Variants in EBF1 observed in about 807,000 individuals in gnomAD.
EBF1 encodes EBF transcription factor 1.
EBF1 carries 10 observed loss-of-function variants against 68.4 expected under a neutral mutation model. The observed-to-expected ratio is 0.15, with a 90% confidence interval of 0.09 to 0.25. The LOEUF (loss-of-function observed/expected upper bound fraction) is 0.25. Ranked by LOEUF, EBF1 falls within the 10% of genes least tolerant of loss-of-function variation. The probability of loss-of-function intolerance (pLI) is 1.00; values close to 1 mark genes in which losing one functional copy is unlikely to be tolerated. For missense variants in EBF1, 509 were observed against 794.4 expected (o/e 0.64, Z 4.32); for synonymous variants, 298 against 299.8 (o/e 0.99, Z 0.06).
intron 4 of EBF1, 64 bp from the exon 5 acceptor site, chr5:159,084,803 A>G: frequency 7.3e-7 from 1 of 1,376,482 alleles, no homozygotes; most frequent in Non-Finnish European, 9.9e-7. Flanking sequence ...AAAAAAAATC[A>G]CAATTGAGTT....
At chr5:159,074,623 C>G (rs762237945) in intron 5 of EBF1, among the ~76,000 whole-genome samples, 15 of 152,332 alleles carry the variant, frequency 9.8e-5, no homozygotes, top group Non-Finnish European at 2.1e-4. Flanking sequence ...GAAATATACT[C>G]CTGCGTAGGG....
At chr5:158,990,449 A>T (rs1038890995) in intron 6 of EBF1, among the ~76,000 whole-genome samples, 2 of 151,846 alleles carry the variant, frequency 1.3e-5, no homozygotes, top group African/African-American at 2.4e-5. Flanking sequence ...GTTAGAAGGC[A>T]ACTGCAATAA....
At chr5:159,073,869 A>G (rs1385369449) in intron 5 of EBF1, 1 of 160,288 alleles carries the variant, frequency 6.2e-6, no homozygotes, top group Non-Finnish European at 1.4e-5. Flanking sequence ...ACGCATCAAT[A>G]ATGAGGTATG....
intron 6 of EBF1, among the ~76,000 whole-genome samples, chr5:158,987,894 G>A (rs922581517): frequency 3.9e-5 from 6 of 152,130 alleles, no homozygotes; most frequent in African/African-American, 1.2e-4. Context: ...GAAAGTCAAA[G>A]GCCTAGATCC....
At chr5:158,894,416 C>A (rs888818023) in intron 6 of EBF1, among the ~76,000 whole-genome samples, 22 of 133,234 alleles carry the variant, frequency 1.7e-4, no homozygotes, top group African/African-American at 4.5e-4. Context: ...AAAGTAAAAT[C>A]TTTTAATGCC....
chr5:159,014,632 A>G (rs1174011600), intron 6 of EBF1, among the ~76,000 whole-genome samples: 2 of 152,202 alleles, frequency 1.3e-5, no homozygotes, highest in Admixed American at 1.3e-4. Context: ...TTTCATATGA[A>G]GTTATAACAT....
chr5:159,095,592 C>T lies in EBF1; in HGVS notation c.411+28G>A, dbSNP rs375061350. On this transcript the variant is annotated intron_variant, in intron 4 of 15. Transcript: ENST00000313708. Reference sequence around the variant, plus strand: ...GCCCTGAATTTTGTGACATAGAGCCCCCCGTGGCCCAAAATCAAGAAACTT... The same window carrying T: ...GCCCTGAATTTTGTGACATAGAGCCTCCCGTGGCCCAAAATCAAGAAACTT... 3.7e-6 allele frequency: 6 copies of T among 1,613,000 alleles called. No homozygotes were observed. The African/African-American group carries it at 5.3e-5, about 14-fold the overall frequency.
chr5:158,700,046 A>G (rs1253511241), intron 15 of EBF1, among the ~76,000 whole-genome samples: 1 of 152,330 alleles, frequency 6.6e-6, no homozygotes, highest in East Asian at 1.9e-4. Flanking sequence ...TGGAGAGGTG[A>G]ATAAAATGAC....
chr5:158,913,724 G>A (rs577120410), intron 6 of EBF1, among the ~76,000 whole-genome samples: 67 of 152,204 alleles, frequency 4.4e-4, no homozygotes, highest in Non-Finnish European at 8.1e-4. Flanking sequence ...CACCTACCAA[G>A]GATACAGTGC....
intron 6 of EBF1, among the ~76,000 whole-genome samples, chr5:158,930,442 G>A (rs759128690): frequency 4.6e-5 from 7 of 152,188 alleles, no homozygotes; most frequent in Admixed American, 4.6e-4. Context: ...GGCAGGTTCT[G>A]CGCCTCTGAT....
At chr5:158,788,799 G>A (rs974473182) in intron 9 of EBF1, among the ~76,000 whole-genome samples, 2 of 152,098 alleles carry the variant, frequency 1.3e-5, no homozygotes, top group Admixed American at 6.6e-5. Context: ...TCCTGAACAC[G>A]CTGTAAATAA....
intron 6 of EBF1, among the ~76,000 whole-genome samples, chr5:158,942,503 C>G (rs1319454646): frequency 1.3e-5 from 2 of 152,210 alleles, no homozygotes; most frequent in East Asian, 1.9e-4. Context: ...AAGCCCTCAA[C>G]AAATGAGAGT....
chr5:158,988,435 C>T (rs555479873), intron 6 of EBF1, among the ~76,000 whole-genome samples: 1 of 152,318 alleles, frequency 6.6e-6, no homozygotes, highest in Non-Finnish European at 1.5e-5. Context: ...TACACCACAG[C>T]CCCAGAACTG....
chr5:158,987,256 T>C (rs1317761446), intron 6 of EBF1: 1 of 152,224 alleles, frequency 6.6e-6, no homozygotes. Context: ...AGCATCAGTA[T>C]CTCCTACAGC....
At chr5:159,031,471 G>GCCT (rs10668321) in intron 6 of EBF1, among the ~76,000 whole-genome samples, 132,357 of 152,024 alleles carry the variant, frequency 0.87, 58,037 homozygotes, top group African/African-American at 0.97. Flanking sequence ...AACAACGAAA[G>GCCT]CCTCCTTTCT....
intron 4 of EBF1, among the ~76,000 whole-genome samples, chr5:159,088,552 G>C (rs77739926): frequency 0.02 from 3,085 of 152,202 alleles, 47 homozygotes; most frequent in African/African-American, 0.035. Context: ...GGATCAGCTG[G>C]GAGATCACAG....
chr5:158,809,019 A>G (rs1031183128), intron 8 of EBF1, among the ~76,000 whole-genome samples: 1 of 151,950 alleles, frequency 6.6e-6, no homozygotes, highest in African/African-American at 2.4e-5. Context: ...TTTTCCTTGA[A>G]CTCATCTTGA....
chr5:158,999,682 C>T (rs531498541), intron 6 of EBF1, among the ~76,000 whole-genome samples: 47 of 152,268 alleles, frequency 3.1e-4, no homozygotes, highest in African/African-American at 1.1e-3. Flanking sequence ...ATTATGCTAT[C>T]CACTGATCCG....
chr5:159,052,074 A>C (rs1773854331), intron 6 of EBF1, among the ~76,000 whole-genome samples: 1 of 152,232 alleles, frequency 6.6e-6, no homozygotes. Flanking sequence ...GAAAGACGTA[A>C]GAATTTTAAT....
Sources: gnomAD v4.1 joint callset for allele counts (sites outside exome capture counted in the v4.1 genomes callset) on GRCh38, gnomAD v4.1.1 for gene constraint, MANE v1.5 for transcripts, NCBI Gene and HGNC (gene_info 2026-07-23, HGNC 2026-07-21) for gene names.